ZNF609: variants seen among roughly 807,000 people sequenced by gnomAD.
The protein encoded by ZNF609 is zinc finger protein 609.
In ZNF609, 11 loss-of-function variants were observed where a neutral mutation model predicts 109.5. That is an observed-to-expected ratio of 0.10 (90% CI 0.06 to 0.17). The LOEUF (loss-of-function observed/expected upper bound fraction) is 0.17, where lower values mean the gene tolerates loss of function less well. Ranked by LOEUF, ZNF609 falls within the 10% of genes least tolerant of loss-of-function variation. The probability of loss-of-function intolerance (pLI) is 1.00; values close to 1 mark genes in which losing one functional copy is unlikely to be tolerated. For missense variants in ZNF609, 1,559 were observed against 1,772.4 expected, an observed-to-expected ratio of 0.88 and a Z score of 2.16; for synonymous variants, 646 against 662.0, an observed-to-expected ratio of 0.98 and a Z score of 0.37.
intron 1 of ZNF609, among the ~76,000 whole-genome samples, chr15:64,497,667 C>T (rs575950163): frequency 2.6e-5 from 4 of 151,974 alleles, no homozygotes; most frequent in South Asian, 2.1e-4. Flanking sequence ...TTTGGGAGGT[C>T]GAGGCAGGCA....
intron 2 of ZNF609, among the ~76,000 whole-genome samples, chr15:64,576,527 T>A (rs587772): frequency 0.88 from 134,464 of 152,076 alleles, 60,279 homozygotes; most frequent in East Asian, 0.96. Context: ...GCAATATCTT[T>A]AAAAAATCTA....
chr15:64,604,394 A>T (rs1040159184), intron 2 of ZNF609, among the ~76,000 whole-genome samples: 1 of 152,104 alleles, frequency 6.6e-6, no homozygotes, highest in African/African-American at 2.4e-5. Flanking sequence ...GCCTTTTATG[A>T]TATTCTTGAT....
upstream of ZNF609, among the ~76,000 whole-genome samples, chr15:64,459,580 A>G (rs1031409407): frequency 4.6e-5 from 7 of 152,174 alleles, no homozygotes; most frequent in Non-Finnish European, 7.3e-5. Context: ...GTCACATGCT[A>G]TCTTGAGTGG....
chr15:64,524,108 A>G (rs1298691343), intron 2 of ZNF609, among the ~76,000 whole-genome samples: 1 of 150,186 alleles, frequency 6.7e-6, no homozygotes, highest in Non-Finnish European at 1.5e-5. Flanking sequence ...TTTATACTAT[A>G]TTCACAAACT....
chr15:64,669,967 CA>C lies in ZNF609; in HGVS notation c.974-370del, dbSNP rs942248889. Among the ~76,000 whole-genome samples, 4 of 151,614 alleles carry C rather than the reference CA, an allele frequency of 2.6e-5. No individual in the cohort carries two copies. The East Asian group carries it at 5.8e-4, about 22-fold the overall frequency. Reference sequence around the variant, plus strand: ...ACAGGCGTGAGCCACCACTCCCGGCCAAAAAAAAATTTTTTTAATTATCCAG... The same window carrying C: ...ACAGGCGTGAGCCACCACTCCCGGCCAAAAAAAATTTTTTTAATTATCCAG... On this transcript the variant is annotated intron_variant, in intron 3 of 9. Transcript: ENST00000326648.
intron 3 of ZNF609, among the ~76,000 whole-genome samples, chr15:64,633,519 ATCC>A (rs1896118904): frequency 6.6e-6 from 1 of 152,084 alleles, no homozygotes; most frequent in Non-Finnish European, 1.5e-5. Context: ...GGCTCAAGCA[ATCC>A]TCCTGCCTCG....
chr15:64,471,688 A>G (rs1596375096), intron 1 of ZNF609, among the ~76,000 whole-genome samples: 1 of 152,158 alleles, frequency 6.6e-6, no homozygotes, highest in East Asian at 1.9e-4. Flanking sequence ...GTTTCAGGCG[A>G]TTCTCCTGCC....
At chr15:64,477,194 G>T (rs1596377108) in intron 1 of ZNF609, among the ~76,000 whole-genome samples, 1 of 138,224 alleles carries the variant, frequency 7.2e-6, no homozygotes, top group East Asian at 2.1e-4. Context: ...AGGCTGGAGT[G>T]CAGTGGCGTG....
chr15:64,511,733 G>A (rs952640726), intron 2 of ZNF609, among the ~76,000 whole-genome samples: 1 of 76,312 alleles, frequency 1.3e-5, no homozygotes, highest in Non-Finnish European at 2.6e-5. Context: ...TTTTTTTTTT[G>A]AGACTGAGTC....
intron 2 of ZNF609, among the ~76,000 whole-genome samples, chr15:64,516,425 G>A (rs1893810639): frequency 6.6e-6 from 1 of 152,116 alleles, no homozygotes; most frequent in African/African-American, 2.4e-5. Context: ...AGGCTGGAGT[G>A]CAATGGCACG....
chr15:64,602,433 T>C (rs1895514328), intron 2 of ZNF609, among the ~76,000 whole-genome samples: 1 of 152,076 alleles, frequency 6.6e-6, no homozygotes, highest in Non-Finnish European at 1.5e-5. Flanking sequence ...CCCCAGAGGG[T>C]AGTTTTAAGG....
intron 3 of ZNF609, among the ~76,000 whole-genome samples, chr15:64,668,839 G>A (rs1301894233): frequency 6.6e-6 from 1 of 150,828 alleles, no homozygotes; most frequent in Admixed American, 6.7e-5. Flanking sequence ...TATAATCCTA[G>A]CTACTTGGGA....
intron 2 of ZNF609, among the ~76,000 whole-genome samples, chr15:64,576,089 G>A (rs1016254840): frequency 4.6e-5 from 7 of 152,206 alleles, no homozygotes; most frequent in East Asian, 1.9e-4. Context: ...GCGACAGAGC[G>A]AGACTCAGTC....
chr15:64,640,388 T>C (rs1238896392), intron 3 of ZNF609, among the ~76,000 whole-genome samples: 1 of 151,830 alleles, frequency 6.6e-6, no homozygotes, highest in African/African-American at 2.4e-5. Flanking sequence ...GTAAATACAC[T>C]TGTGCTTTCT....
intron 3 of ZNF609, among the ~76,000 whole-genome samples, chr15:64,647,848 G>C (rs1285077411): frequency 6.6e-6 from 1 of 152,034 alleles, no homozygotes; most frequent in Non-Finnish European, 1.5e-5. Flanking sequence ...TGGACTTTTC[G>C]GTTTTTGTCC....
chr15:64,505,674 G>A lies in ZNF609; in HGVS notation c.747+5508G>A, dbSNP rs148172743. 5.4e-3 allele frequency among the ~76,000 whole-genome samples: 821 copies of A among 152,228 alleles called. 12 individuals carry two copies. Among genetic ancestry groups the A allele is most frequent in the African/African-American group, 0.019 (778 of 41,522 alleles). Reference sequence around the variant, plus strand: ...TCTTGGACCCTACCCTAGATATGCCGAATAAGTTTTTGGGGTAAGGGCCCA... The same window carrying A: ...TCTTGGACCCTACCCTAGATATGCCAAATAAGTTTTTGGGGTAAGGGCCCA... On this transcript the variant is annotated intron_variant, in intron 2 of 9. Transcript: ENST00000326648.
chr15:64,498,826 A>C (rs1378692047), intron 1 of ZNF609, among the ~76,000 whole-genome samples: 2 of 152,176 alleles, frequency 1.3e-5, no homozygotes, highest in Non-Finnish European at 2.9e-5. Context: ...TACTAGAGAT[A>C]GACCCTGTTA....
At chr15:64,534,113 G>A (rs1894101615) in intron 2 of ZNF609, among the ~76,000 whole-genome samples, 1 of 151,452 alleles carries the variant, frequency 6.6e-6, no homozygotes. Context: ...CCGGGTTGAA[G>A]CGATTATCCT....
intron 2 of ZNF609, among the ~76,000 whole-genome samples, chr15:64,519,816 C>A (rs1180391045): frequency 6.6e-6 from 1 of 152,130 alleles, no homozygotes; most frequent in Admixed American, 6.5e-5. Context: ...ATGTTTGAAT[C>A]CCAGCACTGA....
Sources: gnomAD v4.1 joint callset for allele counts (sites outside exome capture counted in the v4.1 genomes callset) on GRCh38, gnomAD v4.1.1 for gene constraint, MANE v1.5 for transcripts, NCBI Gene and HGNC (gene_info 2026-07-23, HGNC 2026-07-21) for gene names.